Variants in AKAP13 observed in about 807,000 individuals in gnomAD.
The protein encoded by AKAP13 is A-kinase anchor protein 13.
A neutral mutation model predicts 264.5 loss-of-function variants in AKAP13; 80 were observed. The observed-to-expected ratio is 0.30, with a 90% CI of 0.25 to 0.36. The LOEUF (loss-of-function observed/expected upper bound fraction) is 0.36, where lower values mean the gene tolerates loss of function less well. AKAP13 is among the 10% of genes least tolerant of loss of function. The pLI is 1.00. For synonymous variants in AKAP13, 1,380 were observed against 1,250.2 expected (o/e 1.10, Z -2.19); for missense variants, 3,712 against 3,435.2 (o/e 1.08, Z -2.01).
At position 85,726,468 on chromosome 15, in the gene AKAP13, G is replaced by A. The variant is rs1262286989; in HGVS notation, c.6804G>A (p.Lys2268=). Residue 2268 remains lysine (K), a synonymous_variant, in exon 27 of 37, where the codon AAG becomes AAA. Coordinates refer to ENST00000394518, the MANE Select transcript of AKAP13 (RefSeq NM_007200.5). ...TTTTCCTTCAAGAAAAAGACCAGAA[G>A]TACATCTTTGCATCATTGGTAAGCT... The part of the protein sequence containing the change: ...ILVFLQEKDQ[K]YIFASLDQKS... 6.8e-6 allele frequency: 11 copies of A among 1,612,950 alleles called. No homozygotes were observed. The African/African-American group carries it at 8.0e-5, about 12-fold the overall frequency.
Position 85,633,603 on chromosome 15 carries a change from G to A in AKAP13, c.4162-5771G>A, listed in dbSNP as rs1401535464. Among the ~76,000 whole-genome samples, 4 of 140,696 alleles carry A rather than the reference G, an allele frequency of 2.8e-5. No homozygotes were observed. The Admixed American group carries it at 3.0e-4, about 11-fold the overall frequency. The allele number at this position is 140,696 out of a possible 152,430, so 92.3% of individuals were successfully genotyped here. On this transcript the variant is annotated intron_variant, in intron 8 of 36. Transcript: ENST00000394518. The stretch of plus-strand genomic sequence containing the variant: ...TTGTCACCCAGGCTGGAGTGCAGTG[G>A]CACAATCTCGGCTTACTGCAAGCTG...
intron 12 of AKAP13, among the ~76,000 whole-genome samples, chr15:85,659,459 A>G (rs1471918479): frequency 6.6e-6 from 1 of 152,194 alleles, no homozygotes; most frequent in Non-Finnish European, 1.5e-5. Flanking sequence ...CTTTAATTCC[A>G]GATTTTAGGC....
chr15:85,637,409 C>G (rs911013029), intron 8 of AKAP13, among the ~76,000 whole-genome samples: 2 of 152,138 alleles, frequency 1.3e-5, no homozygotes, highest in Non-Finnish European at 2.9e-5. Flanking sequence ...TTTCATCCAA[C>G]TTGATGAATT....
chr15:85,671,133 G>A (rs2083903246), intron 14 of AKAP13, among the ~76,000 whole-genome samples: 1 of 151,822 alleles, frequency 6.6e-6, no homozygotes, highest in Admixed American at 6.6e-5. Flanking sequence ...TGGTGTTTAT[G>A]GGGTTTCCTC....
chr15:85,741,082 C>T lies in AKAP13; in HGVS notation c.7645C>T (p.Gln2549Ter), dbSNP rs376389719. 1.2e-6 allele frequency: 2 copies of T among 1,613,034 alleles called. No homozygotes were observed. The highest frequency in any genetic ancestry group is 1.7e-6 in the Non-Finnish European group (2 of 1,179,670). Residue 2549 changes from glutamine (Q) to a stop codon, truncating the protein, a stop_gained, in exon 35 of 37, where the codon CAG (glutamine) becomes TAG (stop). Coordinates refer to ENST00000394518, the MANE Select transcript of AKAP13 (RefSeq NM_007200.5). LOFTEE classifies it high-confidence loss of function. ...GCAGCAGGACAGCTACATTGAGGACCAGAAACTGGTGCTGAGCGAGAGGGC... is the reference window on the plus strand; with the variant it reads ...GCAGCAGGACAGCTACATTGAGGACTAGAAACTGGTGCTGAGCGAGAGGGC... ...VLQQDSYIEDQKLVLSERALT... is the reference protein window; with the variant it reads ...VLQQDSYIED
rs755316692 is a variant in AKAP13 at position 85,708,787 on chromosome 15, T to C, written c.5532+701T>C. The stretch of plus-strand genomic sequence containing the variant: ...TTTCCAACTTCGTCGACACAGATGA[T>C]TAATGAGCTGTGTGCTTCGTCAGTC... On this transcript the variant is annotated intron_variant, in intron 18 of 36. Coordinates refer to ENST00000394518, the MANE Select transcript of AKAP13 (RefSeq NM_007200.5). This position sits in a 1 kb window ranked among gnomAD's most constrained non-coding sequence, Gnocchi z 4.3. Among the ~76,000 whole-genome samples, 1 of 152,172 alleles carries C rather than the reference T, an allele frequency of 6.6e-6. No homozygotes were observed. The highest frequency in any genetic ancestry group is 1.5e-5 in the Non-Finnish European group (1 of 68,018).
chr15:85,581,466 C>T lies in AKAP13; in HGVS notation c.3398C>T (p.Pro1133Leu), dbSNP rs373581624. 2.4e-5 allele frequency: 39 copies of T among 1,614,196 alleles called. 1 individual carries two copies. The highest frequency in any genetic ancestry group is 1.9e-4 in the African/African-American group (14 of 75,038). Residue 1133 changes from proline to leucine, a missense_variant, in exon 7 of 37, where the codon CCA (proline) becomes CTA (leucine). By Grantham distance (98) the Pro-to-Leu change is moderately conservative (BLOSUM62 -3). Around this residue, in one of 3 missense-constraint regions of AKAP13, gnomAD observed 2,759 missense variants for 2,411.7 expected, o/e 1.14. Coordinates refer to ENST00000394518, the MANE Select transcript of AKAP13 (RefSeq NM_007200.5). ...GAGAAGAATGCCGTTCTAGGTTTGC[C>T]AGTGGCTCTACAGGACAAAGCTGTG... ...SQEKNAVLGL[P>L]VALQDKAVTD...
chr15:85,740,944 C>G, intron 34 of AKAP13, 102 bp from the exon 35 acceptor site: 1 of 1,497,434 alleles, frequency 6.7e-7, no homozygotes, highest in Non-Finnish European at 8.9e-7. Flanking sequence ...AGTTCTAGTC[C>G]GTCATAGTGC....
chr15:85,460,951 T>A (rs1396572813), intron 1 of AKAP13, among the ~76,000 whole-genome samples: 1 of 150,642 alleles, frequency 6.6e-6, no homozygotes, highest in African/African-American at 2.4e-5. Flanking sequence ...GGAACAGAGT[T>A]TTTTTTTTTG....
Position 85,684,884 on chromosome 15 carries a change from C to A in AKAP13, c.5289+11C>A. Reference sequence around the variant, plus strand: ...AGCAAGAAGAGCAAAGTGAGTATCACTGTGGGCATTGCTTGTGATCACCTC... The same window carrying A: ...AGCAAGAAGAGCAAAGTGAGTATCAATGTGGGCATTGCTTGTGATCACCTC... On this transcript the variant is annotated intron_variant, in intron 16 of 36. Transcript: ENST00000394518. 1.2e-6 allele frequency: 2 copies of A among 1,612,942 alleles called. No homozygotes were observed. Among genetic ancestry groups the A allele is most frequent in the Non-Finnish European group, 8.5e-7 (1 of 1,179,582 alleles).
At position 85,708,627 on chromosome 15, in the gene AKAP13, T is replaced by A. The variant is rs1326643576; in HGVS notation, c.5532+541T>A. Among the ~76,000 whole-genome samples, 1 of 152,206 alleles carries A rather than the reference T, an allele frequency of 6.6e-6. No individual in the cohort carries two copies. The highest frequency in any genetic ancestry group is 2.4e-5 in the African/African-American group (1 of 41,458). ...TGGTGGTATCTGCCCTGAGCATGTATGCTATGTAATCATGCTTTCCCAGTG... is the reference window on the plus strand; with the variant it reads ...TGGTGGTATCTGCCCTGAGCATGTAAGCTATGTAATCATGCTTTCCCAGTG... On this transcript the variant is annotated intron_variant, in intron 18 of 36. Transcript: ENST00000394518. This position sits in a 1 kb window ranked among gnomAD's most constrained non-coding sequence, Gnocchi z 4.3.
chr15:85,402,253 C>A (rs987236404), intron 1 of AKAP13, among the ~76,000 whole-genome samples: 1 of 152,130 alleles, frequency 6.6e-6, no homozygotes, highest in Non-Finnish European at 1.5e-5. Flanking sequence ...GTTCCACTTT[C>A]CTCTAGTTTA....
intron 36 of AKAP13, chr15:85,744,200 G>A (rs2089277496): frequency 1.0e-5 from 3 of 300,336 alleles, no homozygotes; most frequent in Non-Finnish European, 1.2e-5. Context: ...AGTTGGCACT[G>A]CTAACCCCAA....
chr15:85,395,032 G>T (rs1459175444), intron 1 of AKAP13, among the ~76,000 whole-genome samples: 1 of 152,166 alleles, frequency 6.6e-6, no homozygotes, highest in African/African-American at 2.4e-5. Context: ...TAAATAGTGT[G>T]TCTGGGTAAT....
intron 2 of AKAP13, among the ~76,000 whole-genome samples, chr15:85,500,765 G>A (rs557854053): frequency 4.7e-4 from 71 of 152,288 alleles, no homozygotes; most frequent in African/African-American, 1.7e-3. Context: ...AATGTCACCT[G>A]TACTCCCAGA....
rs1491342478 is a variant in AKAP13 at position 85,498,197 on chromosome 15, G to GATATATATATATATATATATATATATAT, written c.33+12445_33+12446insTATATATATATATATATATATATATATA. On this transcript the variant is annotated intron_variant, in intron 2 of 36. Transcript: ENST00000394518. ...TGTGGTAGTAAGGATTAAATGAAGT[G>GATATATATATATATATATATATATATAT]AGATATATATATATATATATATATA... Among the ~76,000 whole-genome samples the GATATATATATATATATATATATATATAT allele has an allele frequency of 2.5e-3, 76 of 30,058 alleles. 1 individual carries two copies. Among genetic ancestry groups the GATATATATATATATATATATATATATAT allele is most frequent in the Middle Eastern group, 0.015 (1 of 66 alleles). The allele number at this position is 30,058 out of a possible 152,430, so 19.7% of individuals were successfully genotyped here.
At chr15:85,500,572 C>T (rs115842492) in intron 2 of AKAP13, among the ~76,000 whole-genome samples, 1,536 of 152,138 alleles carry the variant, frequency 0.01, 27 homozygotes, top group African/African-American at 0.035. Context: ...TATATCAGCA[C>T]GGAGGTAGAA....
At chr15:85,540,083 G>T (rs2077531514) in intron 4 of AKAP13, among the ~76,000 whole-genome samples, 2 of 152,134 alleles carry the variant, frequency 1.3e-5, no homozygotes, top group Non-Finnish European at 2.9e-5. Flanking sequence ...TTTATTACAA[G>T]GAATGGCGCC....
At chr15:85,743,408 G>A in intron 35 of AKAP13, 84 bp from the exon 36 acceptor site, 1 of 1,461,222 alleles carries the variant, frequency 6.8e-7, no homozygotes, top group South Asian at 1.3e-5. Flanking sequence ...AGCACACCCA[G>A]TTGAATTCAG....
Sources: allele counts gnomAD v4.1 joint callset (sites outside exome capture counted in the v4.1 genomes callset), GRCh38; gene constraint gnomAD v4.1.1; regional missense constraint gnomAD v4.1.1; non-coding constraint Gnocchi (gnomAD v3.1); transcripts MANE v1.5; gene names NCBI Gene and HGNC (gene_info 2026-07-23, HGNC 2026-07-21).